Variants in ATF7IP observed in about 807,000 individuals in gnomAD.
ATF7IP encodes the protein activating transcription factor 7 interacting protein.
Under a neutral mutation model 106.4 loss-of-function variants are expected in ATF7IP, and 23 were observed. That is an observed-to-expected ratio of 0.22 (90% CI 0.16 to 0.31). The LOEUF (loss-of-function observed/expected upper bound fraction) is 0.31, where lower values mean the gene tolerates loss of function less well. Among genes scored for constraint, ATF7IP ranks in the 10% least tolerant of loss-of-function variants. ATF7IP has a pLI of 1.00. For synonymous variants in ATF7IP, 542 were observed against 539.0 expected (o/e 1.01, Z -0.08); for missense variants, 1,334 against 1,524.3 (o/e 0.88, Z 2.08).
chr12:14,387,760 G>A (rs1939320097), intron 1 of ATF7IP, among the ~76,000 whole-genome samples: 1 of 152,216 alleles, frequency 6.6e-6, no homozygotes, highest in East Asian at 1.9e-4. Flanking sequence ...TAGCTATTAT[G>A]CTGGGTAATT....
At chr12:14,490,199 T>G (rs977272631) in intron 13 of ATF7IP, among the ~76,000 whole-genome samples, 9 of 152,234 alleles carry the variant, frequency 5.9e-5, no homozygotes, top group Non-Finnish European at 1.5e-5. Context: ...CACGGGTGGC[T>G]GCGGATAGAG....
Position 14,466,544 on chromosome 12 carries a change from CAAT to C in ATF7IP, c.2818_2820del (p.Ile940del), listed in dbSNP as rs1943839770. ...TTTTCAGAAAACCAGACAAACAAAA[CAAT>C]AGATGCTTCTGTCAGTAAGAAAGCA... On this transcript the variant is annotated inframe_deletion, in exon 10 of 15. Transcript: ENST00000261168. 1 of 1,601,932 alleles carries C rather than the reference CAAT, an allele frequency of 6.2e-7. No individual in the cohort carries two copies.
chr12:14,484,575 T>TA (rs1402977008), intron 13 of ATF7IP, among the ~76,000 whole-genome samples: 7 of 152,198 alleles, frequency 4.6e-5, no homozygotes, highest in African/African-American at 1.7e-4. Flanking sequence ...AAAGGGGCTG[T>TA]AGTGCTGCAG....
At position 14,475,970 on chromosome 12, in the gene ATF7IP, TA is replaced by T; in HGVS notation, c.2941+3del. ...ATGAAGAGAGTGGAGCTTCACAAGG[TA>T]CTTCAATAGTAATTGTACTAAGCAA... is the stretch of plus-strand genomic sequence containing the variant. On this transcript the variant is annotated splice_donor_region_variant and intron_variant, in intron 11 of 14. Transcript: ENST00000261168. 6.2e-7 allele frequency: 1 copy of T among 1,610,914 alleles called. No homozygotes were observed. Among genetic ancestry groups the T allele is most frequent in the Non-Finnish European group, 8.5e-7 (1 of 1,177,128 alleles).
intron 1 of ATF7IP, among the ~76,000 whole-genome samples, chr12:14,406,671 T>G (rs1000843414): frequency 2.0e-5 from 3 of 150,306 alleles, no homozygotes; most frequent in African/African-American, 7.3e-5. Context: ...ATGGGTTTTT[T>G]TTTTTTTTTT....
At chr12:14,419,214 G>T (rs945985986) in intron 1 of ATF7IP, 1 of 152,076 alleles carries the variant, frequency 6.6e-6, no homozygotes, top group Non-Finnish European at 1.5e-5. Context: ...AGAAATTGAT[G>T]TTAGGTAATT....
Position 14,478,484 on chromosome 12 carries a change from G to A in ATF7IP, c.3097+12G>A, listed in dbSNP as rs921375162. On this transcript the variant is annotated intron_variant, in intron 12 of 14. Transcript: ENST00000261168. The stretch of plus-strand genomic sequence containing the variant: ...CTTACTACCTACAGGTAAATTTGTT[G>A]AATCATTGAGTAGAAGCTTTGGTTT... The A allele has an allele frequency of 6.2e-7, 1 of 1,613,454 alleles. No homozygotes were observed. Among genetic ancestry groups the A allele is most frequent in the Non-Finnish European group, 8.5e-7 (1 of 1,179,702 alleles).
chr12:14,383,747 G>T (rs1215234791), intron 1 of ATF7IP, among the ~76,000 whole-genome samples: 1 of 152,044 alleles, frequency 6.6e-6, no homozygotes, highest in Non-Finnish European at 1.5e-5. Context: ...TGTAGAGACA[G>T]ACAGAGATCT....
chr12:14,416,345 A>C (rs542918214), intron 1 of ATF7IP, among the ~76,000 whole-genome samples: 1 of 152,266 alleles, frequency 6.6e-6, no homozygotes, highest in South Asian at 2.1e-4. Flanking sequence ...AAATGAATGA[A>C]ATTTTTATTC....
At chr12:14,450,004 T>C (rs1943135813) in intron 6 of ATF7IP, among the ~76,000 whole-genome samples, 2 of 152,212 alleles carry the variant, frequency 1.3e-5, no homozygotes, top group African/African-American at 2.4e-5. Context: ...TTTATAGATA[T>C]GCAACTGATT....
intron 13 of ATF7IP, among the ~76,000 whole-genome samples, chr12:14,495,296 A>ATT (rs1944980110): frequency 1.3e-5 from 2 of 152,218 alleles, no homozygotes; most frequent in African/African-American, 4.8e-5. Context: ...ACTCAGTATT[A>ATT]ACCATCACAC....
At chr12:14,494,333 A>ATATATATATATGTG (rs1234871100) in intron 13 of ATF7IP, among the ~76,000 whole-genome samples, 11 of 86,014 alleles carry the variant, frequency 1.3e-4, no homozygotes, top group Admixed American at 2.7e-4. Flanking sequence ...ATATATATAT[A>ATATATATATATGTG]TGTGTGTGTG....
intron 1 of ATF7IP, among the ~76,000 whole-genome samples, chr12:14,410,644 A>C (rs1252626996): frequency 6.6e-6 from 1 of 152,190 alleles, no homozygotes; most frequent in Admixed American, 6.5e-5. Context: ...TATAGTAAGA[A>C]CTATCTTATA....
chr12:14,436,520 T>G (rs1410351309), intron 4 of ATF7IP, among the ~76,000 whole-genome samples: 1 of 152,116 alleles, frequency 6.6e-6, no homozygotes, highest in African/African-American at 2.4e-5. Flanking sequence ...GGTGAAACTC[T>G]GACTCTACTA....
chr12:14,408,733 A>T (rs1319523376), intron 1 of ATF7IP, among the ~76,000 whole-genome samples: 2 of 152,174 alleles, frequency 1.3e-5, no homozygotes, highest in Admixed American at 1.3e-4. Context: ...CTATTAGGCA[A>T]CTTATAAATG....
chr12:14,476,276 A>G (rs1355407221), intron 11 of ATF7IP: 1 of 213,308 alleles, frequency 4.7e-6, no homozygotes, highest in Non-Finnish European at 9.4e-6. Flanking sequence ...GCTGGGTGTG[A>G]TGGCATGTGT....
chr12:14,410,437 A>G (rs1940851893), intron 1 of ATF7IP, among the ~76,000 whole-genome samples: 1 of 152,134 alleles, frequency 6.6e-6, no homozygotes, highest in African/African-American at 2.4e-5. Flanking sequence ...GGGTTATTAG[A>G]TCTGTGCTGG....
intron 13 of ATF7IP, among the ~76,000 whole-genome samples, chr12:14,493,732 G>C (rs1294073125): frequency 6.6e-6 from 1 of 152,122 alleles, no homozygotes; most frequent in East Asian, 1.9e-4. Flanking sequence ...TGGCAAGGCT[G>C]TGCATGTATC....
At chr12:14,393,896 A>T (rs1939704626) in intron 1 of ATF7IP, among the ~76,000 whole-genome samples, 1 of 152,198 alleles carries the variant, frequency 6.6e-6, no homozygotes, top group African/African-American at 2.4e-5. Flanking sequence ...ATAATGACTC[A>T]ACTCTTGCCT....
Sources: allele counts gnomAD v4.1 joint callset (sites outside exome capture counted in the v4.1 genomes callset), GRCh38; gene constraint gnomAD v4.1.1; transcripts MANE v1.5; gene names NCBI Gene and HGNC (gene_info 2026-07-23, HGNC 2026-07-21).